Variants in FBXL17 observed in about 807,000 individuals in gnomAD.
FBXL17 encodes F-box/LRR-repeat protein 17.
FBXL17 carries 22 observed loss-of-function variants against 66.2 expected under a neutral mutation model. That is an observed-to-expected ratio of 0.33 (90% CI 0.24 to 0.47). The LOEUF (loss-of-function observed/expected upper bound fraction) is 0.47, where lower values mean the gene tolerates loss of function less well. Ranked by LOEUF, FBXL17 falls within the 20% of genes least tolerant of loss-of-function variation. The pLI is 1.00. For missense variants in FBXL17, 878 were observed against 948.2 expected, an observed-to-expected ratio of 0.93 and a Z score of 0.97; for synonymous variants, 474 against 400.5, an observed-to-expected ratio of 1.18 and a Z score of -2.19.
intron 4 of FBXL17, among the ~76,000 whole-genome samples, chr5:108,269,971 G>A (rs1307971816): frequency 6.6e-6 from 1 of 151,888 alleles, no homozygotes; most frequent in Non-Finnish European, 1.5e-5. Context: ...TCCCCTCAAT[G>A]GAGATTAGGT....
intron 6 of FBXL17, among the ~76,000 whole-genome samples, chr5:108,179,324 T>A (rs77470547): frequency 1.3e-5 from 2 of 152,098 alleles, no homozygotes; most frequent in African/African-American, 2.4e-5. Flanking sequence ...TAAAGCCACG[T>A]TGAGTTTTAC....
chr5:108,358,363 T>C lies in FBXL17; in HGVS notation c.1374+6375A>G, dbSNP rs535703240. 5.9e-5 allele frequency among the ~76,000 whole-genome samples: 9 copies of C among 152,292 alleles called. No individual in the cohort carries two copies. In the South Asian group the frequency reaches 1.4e-3, roughly 25 times the overall value. ...AGGAAGCATCACTCTATTCCTAGTT[T>C]GATAGGTTTTTGTTTTGCTTTGCTT... On this transcript the variant is annotated intron_variant, in intron 3 of 8. Coordinates refer to ENST00000542267, the MANE Select transcript of FBXL17 (RefSeq NM_001163315.3).
At chr5:108,193,722 G>GC (rs5870307) in intron 5 of FBXL17, among the ~76,000 whole-genome samples, 40,018 of 152,036 alleles carry the variant, frequency 0.26, 6,231 homozygotes, top group Middle Eastern at 0.37. Context: ...AGAGACAACA[G>GC]CAATTGCTAG....
At chr5:107,984,561 T>C (rs1233002388) in intron 7 of FBXL17, among the ~76,000 whole-genome samples, 1 of 152,180 alleles carries the variant, frequency 6.6e-6, no homozygotes, top group Non-Finnish European at 1.5e-5. Flanking sequence ...ATCCTTCTAA[T>C]GTCCTCTCCC....
intron 6 of FBXL17, among the ~76,000 whole-genome samples, chr5:108,126,649 C>A (rs375441154): frequency 0.023 from 1,852 of 79,672 alleles, 42 homozygotes; most frequent in African/African-American, 0.07. Flanking sequence ...CTCTCTCTCT[C>A]TCTATATATA....
chr5:108,263,510 G>T (rs1330071271), intron 4 of FBXL17, among the ~76,000 whole-genome samples: 1 of 152,096 alleles, frequency 6.6e-6, no homozygotes, highest in East Asian at 1.9e-4. Context: ...TACATTCAAT[G>T]AAATACTTCT....
chr5:108,017,539 C>T lies in FBXL17; in HGVS notation c.1822+3386G>A, dbSNP rs116330728. On this transcript the variant is annotated intron_variant, in intron 7 of 8. Coordinates refer to ENST00000542267, the MANE Select transcript of FBXL17 (RefSeq NM_001163315.3). ...AGTGTTTTATATTGATTTTCACTAACGTATGTGGCATGTATCATCACGTGG... is the reference window on the plus strand; with the variant it reads ...AGTGTTTTATATTGATTTTCACTAATGTATGTGGCATGTATCATCACGTGG... 3.3e-3 allele frequency among the ~76,000 whole-genome samples: 501 copies of T among 152,276 alleles called. 2 individuals are homozygous for T. Among genetic ancestry groups the T allele is most frequent in the Middle Eastern group, 0.01 (3 of 294 alleles).
At position 108,220,825 on chromosome 5, in the gene FBXL17, G is replaced by C. The variant is rs145437732; in HGVS notation, c.1614+3296C>G. ...TGAACTTGTTTTTAAAAGTGGGAGAGAGAGCAAGATATACAGATTTTATAT... is the reference window on the plus strand; with the variant it reads ...TGAACTTGTTTTTAAAAGTGGGAGACAGAGCAAGATATACAGATTTTATAT... On this transcript the variant is annotated intron_variant, in intron 5 of 8. Transcript: ENST00000542267. Among the ~76,000 whole-genome samples, 342 of 152,218 alleles carry C rather than the reference G, an allele frequency of 2.2e-3. 2 individuals carry two copies. The highest frequency in any genetic ancestry group is 4.3e-3 in the Non-Finnish European group (290 of 68,002).
At chr5:108,299,621 CT>C in intron 4 of FBXL17, 1 of 972,002 alleles carries the variant, frequency 1.0e-6, no homozygotes, top group Non-Finnish European at 1.2e-6. Context: ...AATACCTATA[CT>C]TCAAAATGCA....
intron 6 of FBXL17, among the ~76,000 whole-genome samples, chr5:108,176,874 T>C (rs116485100): frequency 0.013 from 1,945 of 152,218 alleles, 44 homozygotes; most frequent in African/African-American, 0.043. Flanking sequence ...CACAAATAAT[T>C]TTACCAGAAA....
At chr5:107,880,718 G>A (rs1384907284) in intron 8 of FBXL17, 1 of 1,282,510 alleles carries the variant, frequency 7.8e-7, no homozygotes, top group African/African-American at 1.5e-5. Flanking sequence ...GCAAATTGCA[G>A]TTTGTCATGT....
intron 3 of FBXL17, among the ~76,000 whole-genome samples, chr5:108,348,735 A>G (rs1389772819): frequency 2.6e-5 from 4 of 152,180 alleles, no homozygotes; most frequent in African/African-American, 9.7e-5. Context: ...CCCCGTTTCA[A>G]CCAACTCACA....
intron 4 of FBXL17, among the ~76,000 whole-genome samples, chr5:108,344,163 G>T (rs1254615042): frequency 7.0e-6 from 1 of 143,184 alleles, no homozygotes; most frequent in Non-Finnish European, 1.6e-5. Flanking sequence ...CCCTTAAAAT[G>T]CTTTCAGCCT....
chr5:108,224,350 T>C (rs1394367459), intron 4 of FBXL17, 122 bp from the exon 5 acceptor site: 4 of 473,970 alleles, frequency 8.4e-6, no homozygotes, highest in East Asian at 6.7e-5. Flanking sequence ...TGTTAGATCA[T>C]TTGAATCAGC....
intron 5 of FBXL17, among the ~76,000 whole-genome samples, chr5:108,212,122 T>C (rs1391906420): frequency 4.6e-5 from 7 of 152,276 alleles, no homozygotes; most frequent in East Asian, 2.0e-4. Flanking sequence ...AGTTCAGCTA[T>C]TGAAACTTGC....
intron 6 of FBXL17, among the ~76,000 whole-genome samples, chr5:108,161,096 T>C (rs1752193728): frequency 6.6e-6 from 1 of 152,096 alleles, no homozygotes; most frequent in Non-Finnish European, 1.5e-5. Context: ...GCATAAATGG[T>C]AGCCTGTTAA....
At chr5:107,956,103 G>C (rs1344816948) in intron 7 of FBXL17, among the ~76,000 whole-genome samples, 2 of 152,138 alleles carry the variant, frequency 1.3e-5, no homozygotes, top group Non-Finnish European at 2.9e-5. Flanking sequence ...TCATTGTGTA[G>C]TAAAAGTCAA....
chr5:107,962,062 T>C (rs1014067725), intron 7 of FBXL17, among the ~76,000 whole-genome samples: 3 of 152,164 alleles, frequency 2.0e-5, no homozygotes, highest in South Asian at 2.1e-4. Context: ...TTCTATTGTA[T>C]AGTTCTTTGA....
At chr5:108,006,753 T>C (rs969553744) in intron 7 of FBXL17, among the ~76,000 whole-genome samples, 1 of 152,238 alleles carries the variant, frequency 6.6e-6, no homozygotes, top group African/African-American at 2.4e-5. Context: ...CAGCACATCA[T>C]GTGTTAAATT....
Sources: gnomAD v4.1 joint callset for allele counts (sites outside exome capture counted in the v4.1 genomes callset) on GRCh38, gnomAD v4.1.1 for gene constraint, MANE v1.5 for transcripts, NCBI Gene and HGNC (gene_info 2026-07-23, HGNC 2026-07-21) for gene names.